PABIR2: variants seen among roughly 807,000 people sequenced by gnomAD.
The protein encoded by PABIR2 is PABIR family member 2.
Under a neutral mutation model 22.8 loss-of-function variants are expected in PABIR2, and 7 were observed. The observed-to-expected ratio is 0.31, with a 90% confidence interval of 0.17 to 0.58. The LOEUF (loss-of-function observed/expected upper bound fraction) is 0.58, where lower values mean the gene tolerates loss of function less well. Among genes scored for constraint, PABIR2 ranks in the 20% least tolerant of loss-of-function variants. The pLI, the probability that PABIR2 is intolerant of heterozygous loss-of-function variation, is 0.89. For missense variants in PABIR2, 155 were observed against 205.1 expected, an observed-to-expected ratio of 0.76 and a Z score of 1.49; for synonymous variants, 67 against 73.8, an observed-to-expected ratio of 0.91 and a Z score of 0.47.
At chrX:134,773,699 G>A (rs1451792231) in intron 9 of PABIR2, among the ~76,000 whole-genome samples, 3 of 97,186 alleles carry the variant, frequency 3.1e-5, no homozygotes, top group Admixed American at 1.0e-4. Flanking sequence ...AAAAAGCATC[G>A]AATTGGAGAA....
intron 2 of PABIR2, among the ~76,000 whole-genome samples, chrX:134,790,976 G>C (rs1176106962): frequency 1.8e-5 from 2 of 112,039 alleles, no homozygotes; most frequent in Non-Finnish European, 3.8e-5. Flanking sequence ...GAGCGCAGAC[G>C]TGTCACTTAG....
chrX:134,787,610 C>CTTTTTTT (rs1179720154), intron 6 of PABIR2, 77 bp from the exon 7 acceptor site: 22 of 292,468 alleles, frequency 7.5e-5, no homozygotes, highest in African/African-American at 1.6e-4. Flanking sequence ...AGTTTTCTTT[C>CTTTTTTT]TTTTTTTTTT....
intron 9 of PABIR2, among the ~76,000 whole-genome samples, chrX:134,774,318 G>A (rs1247958785): frequency 8.9e-6 from 1 of 111,793 alleles, no homozygotes; most frequent in Non-Finnish European, 1.9e-5. Flanking sequence ...TTTTTGCCTA[G>A]ACTAATATTA....
At chrX:134,777,823 C>T (rs1217947327) in intron 9 of PABIR2, among the ~76,000 whole-genome samples, 2 of 109,301 alleles carry the variant, frequency 1.8e-5, no homozygotes, top group African/African-American at 6.7e-5. Flanking sequence ...GCAACAAAAG[C>T]GAGACTCCGT....
In PABIR2 at chrX:134,796,107, C is replaced by T. The variant is rs1294483957; in HGVS notation, c.98+1G>A. On this transcript the variant is annotated splice_donor_variant, in intron 1 of 9. Transcript: ENST00000343004. LOFTEE classifies it high-confidence loss of function. ...ACTCCATCCTCCCCAACCCTGCTCACCTGAGCCCATGGATTAGGGGAGCGC... is the reference window on the plus strand; with the variant it reads ...ACTCCATCCTCCCCAACCCTGCTCATCTGAGCCCATGGATTAGGGGAGCGC... 8.3e-7 allele frequency: 1 copy of T among 1,207,486 alleles called. No homozygotes were observed. Among genetic ancestry groups the T allele is most frequent in the Non-Finnish European group, 1.1e-6 (1 of 893,851 alleles).
intron 2 of PABIR2, chrX:134,791,621 A>G (rs1276170515): frequency 3.0e-6 from 1 of 328,872 alleles, no homozygotes. Context: ...AGGAGAGTCA[A>G]AAGCATATGA....
At chrX:134,779,705 T>TA (rs1344228610) in intron 9 of PABIR2, among the ~76,000 whole-genome samples, 1 of 112,458 alleles carries the variant, frequency 8.9e-6, no homozygotes, top group Non-Finnish European at 1.9e-5. Flanking sequence ...CCAAAGACAA[T>TA]AAAAAAATAA....
chrX:134,788,510 A>AATATGTTATATATATGTAATAT (rs2079443860), intron 6 of PABIR2, among the ~76,000 whole-genome samples: 3 of 106,325 alleles, frequency 2.8e-5, no homozygotes, highest in African/African-American at 1.0e-4. Flanking sequence ...TTATATATGT[A>AATATGTTATATATATGTAATAT]ATATGTTATA....
intron 2 of PABIR2, among the ~76,000 whole-genome samples, chrX:134,791,961 C>A (rs1029236971): frequency 8.9e-6 from 1 of 111,766 alleles, no homozygotes; most frequent in Non-Finnish European, 1.9e-5. Flanking sequence ...TTGGAGTCTT[C>A]CTTCTCTTAG....
chrX:134,789,517 G>A lies in PABIR2; in HGVS notation c.234+63C>T, dbSNP rs974156945. 34 of 1,006,363 alleles carry A rather than the reference G, an allele frequency of 3.4e-5. No individual in the cohort carries two copies. The East Asian group carries it at 7.7e-4, about 23-fold the overall frequency. The allele number at this position is 1,006,363 out of a possible 1,213,427, so 82.9% of individuals were successfully genotyped here. A position where few individuals can be genotyped will look rare whatever the true frequency, so the allele number is the denominator to read the frequency against. On this transcript the variant is annotated intron_variant, in intron 3 of 9. Transcript: ENST00000343004. ...CATCCTAATTCATTTTAATATCTAC[G>A]TCTTTAAAATAAAAATGTAAAATCC...
At chrX:134,787,329 A>C in intron 7 of PABIR2, 143 bp downstream of exon 7, 1 of 493,097 alleles carries the variant, frequency 2.0e-6, no homozygotes, top group Non-Finnish European at 3.4e-6. Flanking sequence ...TGAACTCTTG[A>C]CCTCAGGTAA....
chrX:134,772,523 C>A (rs374001537), intron 9 of PABIR2, among the ~76,000 whole-genome samples: 1 of 111,780 alleles, frequency 8.9e-6, no homozygotes, highest in African/African-American at 3.3e-5. Flanking sequence ...GACCGCCTAA[C>A]CTACAATAAA....
At position 134,796,471 on chromosome X, in the gene PABIR2, G is replaced by T; in HGVS notation, c.-266C>A. The T allele has an allele frequency of 9.2e-6, 3 of 326,096 alleles. No individual in the cohort carries two copies. Among genetic ancestry groups the T allele is most frequent in the South Asian group, 6.1e-5 (1 of 16,266 alleles). The allele number at this position is 326,096 out of a possible 1,213,427, so 26.9% of individuals were successfully genotyped here. Reference sequence around the variant, plus strand: ...AGGTAGTGGTGGAAGGTGACAGAATGAAGGAAAAGGATGAAGGAAAGAAGG... The same window carrying T: ...AGGTAGTGGTGGAAGGTGACAGAATTAAGGAAAAGGATGAAGGAAAGAAGG... On this transcript the variant is annotated 5_prime_UTR_variant, in exon 1 of 10. Coordinates refer to ENST00000343004, the MANE Select transcript of PABIR2 (RefSeq NM_001387468.1).
intron 9 of PABIR2, among the ~76,000 whole-genome samples, chrX:134,779,596 G>T (rs1030730814): frequency 2.5e-4 from 28 of 111,626 alleles, no homozygotes; most frequent in Non-Finnish European, 7.5e-5. Context: ...AGGAATAAAT[G>T]TCTGGACAAT....
chrX:134,776,744 T>A (rs188261217), intron 9 of PABIR2, among the ~76,000 whole-genome samples: 1 of 112,592 alleles, frequency 8.9e-6, no homozygotes, highest in Non-Finnish European at 1.9e-5. Flanking sequence ...AAGATTGTTA[T>A]CTAGTACATA....
Position 134,793,876 on chromosome X carries a change from A to G in PABIR2, c.116T>C (p.Phe39Ser). The part of the protein sequence containing the change: ...IHGLSDLSQV[F>S]QPYTLRTRRN... ...CCGAGTTCTAAGTGTGTAAGGTTGGAAAACCTGTGAAAGGTCACTGAAAAA... is the reference window on the plus strand; with the variant it reads ...CCGAGTTCTAAGTGTGTAAGGTTGGGAAACCTGTGAAAGGTCACTGAAAAA... Residue 39 changes from phenylalanine (F) to serine (S), a missense_variant, in exon 2 of 10, where the codon TTC (phenylalanine) becomes TCC (serine). Transcript: ENST00000343004. 1 of 1,206,872 alleles carries G rather than the reference A, an allele frequency of 8.3e-7. No homozygotes were observed. The highest frequency in any genetic ancestry group is 1.1e-6 in the Non-Finnish European group (1 of 894,292).
At chrX:134,776,466 AG>A (rs914674929) in intron 9 of PABIR2, among the ~76,000 whole-genome samples, 1 of 111,190 alleles carries the variant, frequency 9.0e-6, no homozygotes, top group African/African-American at 3.3e-5. Context: ...AAGAGCTCCC[AG>A]TGTGCAGAAA....
At chrX:134,784,755 A>T (rs990898424) in intron 8 of PABIR2, among the ~76,000 whole-genome samples, 1 of 111,536 alleles carries the variant, frequency 9.0e-6, no homozygotes, top group Non-Finnish European at 1.9e-5. Flanking sequence ...CTGGTATTAC[A>T]GACCTGTATT....
chrX:134,780,298 G>A (rs1471744544), intron 9 of PABIR2, among the ~76,000 whole-genome samples: 4 of 112,345 alleles, frequency 3.6e-5, no homozygotes, highest in African/African-American at 3.2e-5. Flanking sequence ...TCTTCAGGCC[G>A]GGCACAGTGG....
Sources: gnomAD v4.1 joint callset for allele counts (sites outside exome capture counted in the v4.1 genomes callset) on GRCh38, gnomAD v4.1.1 for gene constraint, MANE v1.5 for transcripts, NCBI Gene and HGNC (gene_info 2026-07-23, HGNC 2026-07-21) for gene names.